The following NXPE2 variants were observed in gnomAD, a reference collection of about 807,000 sequenced individuals.
The protein encoded by NXPE2 is NXPE family member 2.
NXPE2 carries 34 observed loss-of-function variants against 34.4 expected under a neutral mutation model. The observed-to-expected ratio is 0.99, with a 90% CI of 0.75 to 1.31. The LOEUF (loss-of-function observed/expected upper bound fraction) is 1.31, where lower values mean the gene tolerates loss of function less well. NXPE2 is among the 40% of genes most tolerant of loss of function. The probability of loss-of-function intolerance (pLI) is 0.00; values close to 1 mark genes in which losing one functional copy is unlikely to be tolerated. For missense variants in NXPE2, 649 were observed against 672.5 expected (o/e 0.97, Z 0.39); for synonymous variants, 235 against 231.3 (o/e 1.02, Z -0.15).
At chr11:114,547,220 G>C in the NXPE2 span, among the ~76,000 whole-genome samples, 1 of 152,278 alleles carries the variant, frequency 6.6e-6, no homozygotes, top group African/African-American at 2.4e-5. Flanking sequence ...AACATCATCA[G>C]TGATGTCATA....
chr11:114,645,125 A>G, the NXPE2 span, among the ~76,000 whole-genome samples: 1 of 152,028 alleles, frequency 6.6e-6, no homozygotes, highest in Non-Finnish European at 1.5e-5. Context: ...AACATGGTGA[A>G]ACCCCATCTT....
chr11:114,772,615 G>T, the NXPE2 span, among the ~76,000 whole-genome samples: 1 of 151,994 alleles, frequency 6.6e-6, no homozygotes, highest in African/African-American at 2.4e-5. Context: ...CACTATTCAG[G>T]CCAACCCAGC....
the NXPE2 span, among the ~76,000 whole-genome samples, chr11:114,761,692 G>A: frequency 6.6e-5 from 10 of 151,308 alleles, no homozygotes; most frequent in African/African-American, 2.4e-4. Flanking sequence ...TCCTGCCTCA[G>A]CCTCCCGAGT....
At chr11:114,486,799 T>A in the NXPE2 span, among the ~76,000 whole-genome samples, 1 of 152,280 alleles carries the variant, frequency 6.6e-6, no homozygotes, top group South Asian at 2.1e-4. Context: ...AAAAATGAGT[T>A]CATTGTAGAT....
chr11:114,638,473 T>C, the NXPE2 span, among the ~76,000 whole-genome samples: 1 of 152,106 alleles, frequency 6.6e-6, no homozygotes, highest in Admixed American at 6.6e-5. Context: ...CTCATCAAAG[T>C]CATTCTCCGT....
At chr11:114,510,828 A>C in the NXPE2 span, among the ~76,000 whole-genome samples, 27 of 152,326 alleles carry the variant, frequency 1.8e-4, no homozygotes, top group Non-Finnish European at 2.8e-4. Context: ...AAACCAAGCA[A>C]ATAAAGACAA....
At chr11:114,615,386 G>A in the NXPE2 span, among the ~76,000 whole-genome samples, 1 of 151,838 alleles carries the variant, frequency 6.6e-6, no homozygotes, top group South Asian at 2.1e-4. Context: ...TGGATAATAA[G>A]TATTGCCTCG....
the NXPE2 span, among the ~76,000 whole-genome samples, chr11:114,599,727 AAAC>A: frequency 9.9e-5 from 15 of 152,134 alleles, no homozygotes; most frequent in South Asian, 3.1e-3. Flanking sequence ...ACACATTTTT[AAAC>A]AACAAGATCT....
At chr11:114,505,180 GA>G in the NXPE2 span, among the ~76,000 whole-genome samples, 14 of 150,454 alleles carry the variant, frequency 9.3e-5, no homozygotes, top group East Asian at 3.9e-4. Context: ...AGAATAGAGA[GA>G]AAAAAAAAGG....
the NXPE2 span, among the ~76,000 whole-genome samples, chr11:114,501,463 A>G: frequency 1.3e-5 from 2 of 152,202 alleles, no homozygotes; most frequent in African/African-American, 4.8e-5. Context: ...AATCACCACA[A>G]ATCTCAGGTT....
the NXPE2 span, among the ~76,000 whole-genome samples, chr11:114,722,438 C>T: frequency 6.6e-6 from 1 of 151,896 alleles, no homozygotes. Context: ...AAATAAATTA[C>T]CCAGTCTCAG....
At chr11:114,783,778 A>G in the NXPE2 span, among the ~76,000 whole-genome samples, 1 of 152,204 alleles carries the variant, frequency 6.6e-6, no homozygotes, top group African/African-American at 2.4e-5. Context: ...TCTTTTGCAC[A>G]TGGAGTATTT....
rs1375505798 is a variant in NXPE2, at chr11:114,706,922, AT to A, written c.1675del (p.Cys559ValfsTer8). 6.5e-7 allele frequency: 1 copy of A among 1,542,078 alleles called. No homozygotes were observed. ...QNQIGMFLNY[I>X]C is the part of the protein sequence containing the mutation. ...TCAGATTGGCATGTTCTTAAACTAC[AT>A]TTGTTAGAGGAAAAATACAAAAATA... is the stretch of plus-strand genomic sequence containing the variant. On this transcript the variant is annotated frameshift_variant, in exon 6 of 6. Coordinates refer to ENST00000389586, the MANE Select transcript of NXPE2 (RefSeq NM_182495.6). LOFTEE classifies it high-confidence loss of function.
the NXPE2 span, chr11:114,551,358 T>G: frequency 5.0e-6 from 7 of 1,413,606 alleles, no homozygotes; most frequent in Middle Eastern, 2.4e-4. Flanking sequence ...AACTAACAAC[T>G]CATACCCCCA....
At chr11:114,560,263 CT>C in the NXPE2 span, among the ~76,000 whole-genome samples, 1 of 127,302 alleles carries the variant, frequency 7.9e-6, no homozygotes, top group Non-Finnish European at 1.6e-5. Context: ...ATTGAGAATT[CT>C]TTTTTTTTCT....
At chr11:114,663,098 A>C in the NXPE2 span, among the ~76,000 whole-genome samples, 1 of 152,170 alleles carries the variant, frequency 6.6e-6, no homozygotes, top group African/African-American at 2.4e-5. Flanking sequence ...CAGGCCAGGC[A>C]TCATTCACCA....
chr11:114,488,239 C>A, the NXPE2 span, among the ~76,000 whole-genome samples: 1 of 152,020 alleles, frequency 6.6e-6, no homozygotes, highest in African/African-American at 2.4e-5. Flanking sequence ...GGAGGTTTTA[C>A]GTGCCTAGGA....
the NXPE2 span, among the ~76,000 whole-genome samples, chr11:114,474,774 C>G: frequency 2.6e-5 from 4 of 152,142 alleles, no homozygotes; most frequent in Non-Finnish European, 5.9e-5. Flanking sequence ...GTGACAGACA[C>G]CGTTTCAGGT....
At chr11:114,797,244 C>T in the NXPE2 span, among the ~76,000 whole-genome samples, 7 of 152,316 alleles carry the variant, frequency 4.6e-5, no homozygotes, top group South Asian at 1.4e-3. Flanking sequence ...GCCTAGCATA[C>T]AGCAGACAGT....
Sources: gnomAD v4.1 joint callset for allele counts (sites outside exome capture counted in the v4.1 genomes callset) on GRCh38, gnomAD v4.1.1 for gene constraint, MANE v1.5 for transcripts, NCBI Gene and HGNC (gene_info 2026-07-23, HGNC 2026-07-21) for gene names.